Variants in TNFRSF21 observed in about 807,000 individuals in gnomAD.
The protein encoded by TNFRSF21 is TNF receptor superfamily member 21.
TNFRSF21 carries 19 observed loss-of-function variants against 45.6 expected under a neutral mutation model. The ratio of observed to expected loss-of-function variants is 0.42; its 90% confidence interval spans 0.29 to 0.61. The LOEUF (loss-of-function observed/expected upper bound fraction) is 0.61, where lower values mean the gene tolerates loss of function less well. Ranked by LOEUF, TNFRSF21 falls within the 20% of genes least tolerant of loss-of-function variation. The pLI is 0.23. For missense variants in TNFRSF21, 737 were observed against 851.5 expected (o/e 0.87, Z 1.67); for synonymous variants, 314 against 335.5 (o/e 0.94, Z 0.70).
At chr6:47,305,117 G>C (rs187341665) in intron 1 of TNFRSF21, among the ~76,000 whole-genome samples, 1 of 152,244 alleles carries the variant, frequency 6.6e-6, no homozygotes, top group East Asian at 1.9e-4. Flanking sequence ...TGTGTATTAA[G>C]GTAAGTATAC....
At position 47,309,860 on chromosome 6, in the gene TNFRSF21, C is replaced by T. The variant is rs1762993911; in HGVS notation, c.-349G>A. Reference sequence around the variant, plus strand: ...CTTCCCATAGCGAAGCTTCCAGCCACTGCCAACCACCCTCCTCCGCTGCCC... The same window carrying T: ...CTTCCCATAGCGAAGCTTCCAGCCATTGCCAACCACCCTCCTCCGCTGCCC... On this transcript the variant is annotated 5_prime_UTR_variant, in exon 1 of 6. The change creates a new upstream start codon in the 5' untranslated region. Transcript: ENST00000296861. 1 of 205,842 alleles carries T rather than the reference C, an allele frequency of 4.9e-6. No individual in the cohort carries two copies. Among genetic ancestry groups the T allele is most frequent in the Non-Finnish European group, 9.7e-6 (1 of 103,224 alleles). 12.8% of individuals were successfully genotyped at this position (205,842 alleles called of 1,614,324 possible).
chr6:47,234,612 C>T (rs1764635211), intron 5 of TNFRSF21, 58 bp downstream of exon 5: 4 of 1,402,292 alleles, frequency 2.9e-6, no homozygotes, highest in African/African-American at 1.4e-5. Context: ...AGGGACGAAT[C>T]CCAGGGGCTC....
At chr6:47,251,615 C>T (rs1348978175) in intron 4 of TNFRSF21, among the ~76,000 whole-genome samples, 1 of 152,138 alleles carries the variant, frequency 6.6e-6, no homozygotes, top group Non-Finnish European at 1.5e-5. Context: ...TTCTTTTAGG[C>T]ATCATCAAGG....
At chr6:47,291,490 T>C (rs1191877557) in intron 1 of TNFRSF21, among the ~76,000 whole-genome samples, 3 of 152,110 alleles carry the variant, frequency 2.0e-5, no homozygotes, top group Non-Finnish European at 1.5e-5. Flanking sequence ...GGAGAGACGG[T>C]GACAGATTTG....
At chr6:47,281,617 T>C (rs948439852) in intron 3 of TNFRSF21, among the ~76,000 whole-genome samples, 2 of 152,128 alleles carry the variant, frequency 1.3e-5, no homozygotes, top group African/African-American at 4.8e-5. Flanking sequence ...CTGACCTCAG[T>C]TGATCTGCAT....
At chr6:47,233,073 TAGAG>T in intron 5 of TNFRSF21, 79 bp from the exon 6 acceptor site, 1 of 1,317,372 alleles carries the variant, frequency 7.6e-7, no homozygotes, top group Non-Finnish European at 1.1e-6. Context: ...AGCAGGGTCC[TAGAG>T]AGAGAGACAT....
chr6:47,244,516 T>C (rs1764798032), intron 4 of TNFRSF21, among the ~76,000 whole-genome samples: 1 of 152,210 alleles, frequency 6.6e-6, no homozygotes, highest in Non-Finnish European at 1.5e-5. Context: ...GGCTTGTGTA[T>C]TTATTGTTAA....
intron 4 of TNFRSF21, among the ~76,000 whole-genome samples, chr6:47,236,749 A>T (rs189850960): frequency 5.1e-4 from 78 of 152,304 alleles, no homozygotes; most frequent in Non-Finnish European, 9.0e-4. Context: ...CCTCCTTGAA[A>T]ATGCACATGG....
At chr6:47,292,718 A>T (rs1299741095) in intron 1 of TNFRSF21, among the ~76,000 whole-genome samples, 1 of 152,262 alleles carries the variant, frequency 6.6e-6, no homozygotes, top group Admixed American at 6.5e-5. Context: ...GGAACTATAA[A>T]GTAAAACATT....
chr6:47,274,560 T>C (rs1362802418), intron 3 of TNFRSF21, among the ~76,000 whole-genome samples: 1 of 152,140 alleles, frequency 6.6e-6, no homozygotes, highest in African/African-American at 2.4e-5. Flanking sequence ...GGCAATACCA[T>C]TCAGGACATA....
At chr6:47,277,150 C>T (rs974972512) in intron 3 of TNFRSF21, among the ~76,000 whole-genome samples, 15 of 152,260 alleles carry the variant, frequency 9.9e-5, no homozygotes, top group African/African-American at 1.4e-4. Flanking sequence ...CCCGCCACCA[C>T]GCCTGGTTAA....
intron 1 of TNFRSF21, 115 bp downstream of exon 1, chr6:47,309,301 A>T: frequency 7.2e-7 from 1 of 1,390,546 alleles, no homozygotes; most frequent in Non-Finnish European, 9.3e-7. Flanking sequence ...CCCGTAACCC[A>T]GTCGGCCGGG....
At chr6:47,306,409 A>T (rs760622889) in intron 1 of TNFRSF21, among the ~76,000 whole-genome samples, 1 of 152,220 alleles carries the variant, frequency 6.6e-6, no homozygotes, top group African/African-American at 2.4e-5. Flanking sequence ...CATGAGCTGA[A>T]GAGCCAGGCA....
intron 1 of TNFRSF21, among the ~76,000 whole-genome samples, chr6:47,299,139 C>T (rs1428670084): frequency 6.6e-6 from 1 of 152,068 alleles, no homozygotes; most frequent in African/African-American, 2.4e-5. Flanking sequence ...ACAGCACCAA[C>T]AAAATGAAAA....
chr6:47,287,733 G>A (rs375329296), intron 1 of TNFRSF21, among the ~76,000 whole-genome samples: 2 of 151,958 alleles, frequency 1.3e-5, no homozygotes, highest in South Asian at 4.2e-4. Context: ...GATAAAAATG[G>A]GTGAAAAACT....
intron 1 of TNFRSF21, among the ~76,000 whole-genome samples, chr6:47,289,490 T>C (rs1221805411): frequency 2.0e-5 from 3 of 152,210 alleles, no homozygotes; most frequent in Non-Finnish European, 4.4e-5. Flanking sequence ...CAGTTGTTGA[T>C]TCTTTTGTTA....
intron 1 of TNFRSF21, among the ~76,000 whole-genome samples, chr6:47,300,676 T>C (rs888676922): frequency 3.9e-5 from 6 of 152,202 alleles, no homozygotes; most frequent in Admixed American, 6.5e-5. Flanking sequence ...CCGTAATCTT[T>C]CTATTCTCTG....
At position 47,286,434 on chromosome 6, in the gene TNFRSF21, G is replaced by A. The variant is rs769500818; in HGVS notation, c.258C>T (p.Arg86=). 1.5e-5 allele frequency: 24 copies of A among 1,614,088 alleles called. No homozygotes were observed. The highest frequency in any genetic ancestry group is 4.5e-5 in the East Asian group (2 of 44,898). ...TCCCCACAGGGCAACTGCTGCAGAC[G>A]CGCAGGCTTGTGTTGGTACAATGCT... ...VSEHCTNTSL[R]VCSSCPVGTF... The change falls in exon 2 of 6, where the codon CGC becomes CGT. Residue 86 remains arginine, a synonymous_variant. Coordinates refer to ENST00000296861, the MANE Select transcript of TNFRSF21 (RefSeq NM_014452.5).
At chr6:47,305,029 T>G (rs914556228) in intron 1 of TNFRSF21, among the ~76,000 whole-genome samples, 15 of 150,070 alleles carry the variant, frequency 1.0e-4, no homozygotes, top group African/African-American at 3.5e-4. Context: ...GATTTGAAAG[T>G]CTTTTTTTTC....
Sources: allele counts gnomAD v4.1 joint callset (sites outside exome capture counted in the v4.1 genomes callset), GRCh38; gene constraint gnomAD v4.1.1; transcripts MANE v1.5; gene names NCBI Gene and HGNC (gene_info 2026-07-23, HGNC 2026-07-21).